Variants in ODAPH observed in about 807,000 individuals in gnomAD.
ODAPH encodes odontogenesis associated phosphoprotein.
ODAPH carries 2 observed loss-of-function variants against 2.8 expected under a neutral mutation model. The ratio of observed to expected loss-of-function variants is 0.72; its 90% confidence interval spans 0.30 to 2.28. ODAPH has a LOEUF of 2.28. Ranked by LOEUF, ODAPH falls within the 30% of genes most tolerant of loss-of-function variation. The pLI, the probability that ODAPH is intolerant of heterozygous loss-of-function variation, is 0.13. For missense variants in ODAPH, 159 were observed against 163.3 expected, an observed-to-expected ratio of 0.97 and a Z score of 0.14; for synonymous variants, 75 against 60.3, an observed-to-expected ratio of 1.24 and a Z score of -1.13.
At chr4:75,565,238 TC>T (rs1727767801), downstream of ODAPH, 3 of 152,224 alleles carry the variant, frequency 2.0e-5, no homozygotes, top group African/African-American at 7.2e-5. Flanking sequence ...CCTCAGGTGA[TC>T]CACCCACCTC....
intron 1 of ODAPH, among the ~76,000 whole-genome samples, chr4:75,560,357 G>T (rs1727514377): frequency 6.6e-6 from 1 of 152,158 alleles, no homozygotes; most frequent in Non-Finnish European, 1.5e-5. Flanking sequence ...AGATAGCAAA[G>T]GTTTAGAAGA....
chr4:75,564,440 G>C lies in ODAPH; in HGVS notation c.*1G>C. 6.2e-7 allele frequency: 1 copy of C among 1,614,110 alleles called. No individual in the cohort carries two copies. Among genetic ancestry groups the C allele is most frequent in the South Asian group, 1.1e-5 (1 of 91,086 alleles). On this transcript the variant is annotated 3_prime_UTR_variant, in exon 2 of 2. Coordinates refer to ENST00000311623, the MANE Select transcript of ODAPH (RefSeq NM_178497.5). ...AGGAAGCTCATCTGAGGAAAGCTGA[G>C]AGGGAAGAGAAACCCAAACATACTG... is the stretch of plus-strand genomic sequence containing the variant.
intron 1 of ODAPH, among the ~76,000 whole-genome samples, chr4:75,558,501 A>G (rs1416269974): frequency 6.9e-6 from 1 of 145,054 alleles, no homozygotes; most frequent in African/African-American, 2.6e-5. Flanking sequence ...ACCACAGAGT[A>G]TAGGTAATTA....
At chr4:75,557,631 C>T (rs1386467075) in intron 1 of ODAPH, among the ~76,000 whole-genome samples, 1 of 148,392 alleles carries the variant, frequency 6.7e-6, no homozygotes, top group Admixed American at 6.6e-5. Context: ...AAGAGTGAAA[C>T]TCTGTCTCAA....
chr4:75,562,942 T>C (rs11944717), intron 1 of ODAPH, among the ~76,000 whole-genome samples: 38,190 of 150,930 alleles, frequency 0.25, 5,060 homozygotes, highest in Middle Eastern at 0.38. Flanking sequence ...ATTAATTAAG[T>C]TCTTTTTTTC....
At position 75,556,163 on chromosome 4, in the gene ODAPH, T is replaced by G; in HGVS notation, c.67+14T>G. ...CTGTGGCAGAAGGTAAGGGTTTTGC[T>G]TTTATTCTACTGTGGGTCCACTAAT... is the stretch of plus-strand genomic sequence containing the variant. On this transcript the variant is annotated intron_variant, in intron 1 of 1. Transcript: ENST00000311623. The G allele has an allele frequency of 6.2e-7, 1 of 1,613,366 alleles. No individual in the cohort carries two copies. Among genetic ancestry groups the G allele is most frequent in the Non-Finnish European group, 8.5e-7 (1 of 1,179,268 alleles).
intron 1 of ODAPH, among the ~76,000 whole-genome samples, chr4:75,559,340 T>C (rs992823036): frequency 3.3e-5 from 5 of 152,252 alleles, no homozygotes; most frequent in African/African-American, 9.6e-5. Flanking sequence ...CTAACACTTA[T>C]TAAGTGTGAA....
At chr4:75,557,774 C>G (rs1182400349) in intron 1 of ODAPH, among the ~76,000 whole-genome samples, 1 of 152,214 alleles carries the variant, frequency 6.6e-6, no homozygotes, top group Non-Finnish European at 1.5e-5. Flanking sequence ...ATCGCTCGTT[C>G]ACACACACCC....
chr4:75,565,406 G>C (rs888585283), downstream of ODAPH: 2 of 152,048 alleles, frequency 1.3e-5, no homozygotes, highest in African/African-American at 4.8e-5. Context: ...TCATTACATA[G>C]ATGCTGGCTA....
At chr4:75,556,647 C>T in intron 1 of ODAPH, 1 of 1,256,616 alleles carries the variant, frequency 8.0e-7, no homozygotes, top group Non-Finnish European at 1.1e-6. Context: ...CATTTTGGTG[C>T]CACAGAGGTG....
chr4:75,559,636 A>AAG (rs1727481313), intron 1 of ODAPH, among the ~76,000 whole-genome samples: 2 of 152,222 alleles, frequency 1.3e-5, no homozygotes, highest in South Asian at 4.1e-4. Flanking sequence ...AAGCTTGCAG[A>AAG]AGAGCTCTCA....
chr4:75,557,483 T>C (rs927895171), intron 1 of ODAPH, among the ~76,000 whole-genome samples: 5 of 151,868 alleles, frequency 3.3e-5, no homozygotes, highest in African/African-American at 7.3e-5. Flanking sequence ...CTACAAAAAA[T>C]ACAAAATTAG....
intron 1 of ODAPH, among the ~76,000 whole-genome samples, chr4:75,561,627 A>T (rs1727579586): frequency 6.6e-6 from 1 of 152,166 alleles, no homozygotes; most frequent in Admixed American, 6.5e-5. Context: ...CAAGTGGATC[A>T]CTTGAGGTCA....
intron 1 of ODAPH, chr4:75,556,647 C>A (rs566335143): frequency 2.0e-5 from 25 of 1,256,610 alleles, no homozygotes; most frequent in African/African-American, 3.0e-5. Context: ...CATTTTGGTG[C>A]CACAGAGGTG....
intron 1 of ODAPH, among the ~76,000 whole-genome samples, chr4:75,557,532 G>C (rs182523941): frequency 1.1e-4 from 17 of 152,166 alleles, no homozygotes; most frequent in African/African-American, 4.1e-4. Flanking sequence ...CCAGCTACTC[G>C]GGAGGCTGAG....
chr4:75,557,731 T>C (rs981996479), intron 1 of ODAPH, among the ~76,000 whole-genome samples: 2 of 152,194 alleles, frequency 1.3e-5, no homozygotes, highest in African/African-American at 4.8e-5. Context: ...AAATGTAGCT[T>C]CATTCTATCC....
At chr4:75,562,678 T>C (rs1727629133) in intron 1 of ODAPH, among the ~76,000 whole-genome samples, 1 of 152,172 alleles carries the variant, frequency 6.6e-6, no homozygotes, top group Non-Finnish European at 1.5e-5. Flanking sequence ...TATGTAAGCC[T>C]CTAAGGGAGT....
intron 1 of ODAPH, among the ~76,000 whole-genome samples, chr4:75,563,695 T>G (rs1365022220): frequency 6.6e-6 from 1 of 152,240 alleles, no homozygotes; most frequent in Non-Finnish European, 1.5e-5. Flanking sequence ...GTGTCTAACT[T>G]CTATTGCTCA....
At chr4:75,565,588 A>T (rs1341194804), downstream of ODAPH, 1 of 152,194 alleles carries the variant, frequency 6.6e-6, no homozygotes, top group Non-Finnish European at 1.5e-5. Flanking sequence ...CACAGATTGC[A>T]TTGATTGGTT....
Sources: gnomAD v4.1 joint callset for allele counts (sites outside exome capture counted in the v4.1 genomes callset) on GRCh38, gnomAD v4.1.1 for gene constraint, MANE v1.5 for transcripts, NCBI Gene and HGNC (gene_info 2026-07-23, HGNC 2026-07-21) for gene names.